CDNF: variants seen among roughly 807,000 people sequenced by gnomAD.
CDNF encodes the protein cerebral dopamine neurotrophic factor.
In CDNF, 9 loss-of-function variants were observed where a neutral mutation model predicts 14.8. That is an observed-to-expected ratio of 0.61 (90% CI 0.37 to 1.06). CDNF has a LOEUF of 1.06. Among genes scored for constraint, CDNF ranks in the 50% least tolerant of loss-of-function variants. The pLI, the probability that CDNF is intolerant of heterozygous loss-of-function variation, is 0.01. For missense variants in CDNF, 228 were observed against 228.4 expected, an observed-to-expected ratio of 1.00 and a Z score of 0.01; for synonymous variants, 86 against 87.2, an observed-to-expected ratio of 0.99 and a Z score of 0.07.
intron 1 of CDNF, among the ~76,000 whole-genome samples, chr10:14,835,550 G>A (rs1833879299): frequency 6.6e-6 from 1 of 152,132 alleles, no homozygotes; most frequent in East Asian, 1.9e-4. Context: ...CAAATTAGTA[G>A]CTTCTTAAGT....
At chr10:14,823,243 G>C (rs1283885571) in intron 3 of CDNF, among the ~76,000 whole-genome samples, 1 of 152,066 alleles carries the variant, frequency 6.6e-6, no homozygotes, top group African/African-American at 2.4e-5. Flanking sequence ...AGAGAACTTG[G>C]TATCTGGCAT....
chr10:14,828,041 C>G (rs1365024640), intron 2 of CDNF, 104 bp downstream of exon 2: 30 of 1,157,870 alleles, frequency 2.6e-5, no homozygotes, highest in Non-Finnish European at 3.7e-5. Flanking sequence ...AATGGACATA[C>G]TTGAGGCAAA....
intron 3 of CDNF, among the ~76,000 whole-genome samples, chr10:14,823,919 C>G (rs1833758535): frequency 6.6e-6 from 1 of 152,230 alleles, no homozygotes; most frequent in Admixed American, 6.5e-5. Context: ...ACTCTAATAA[C>G]TACCCTGGAA....
intron 3 of CDNF, among the ~76,000 whole-genome samples, chr10:14,822,774 C>A (rs1010662090): frequency 6.6e-6 from 1 of 152,128 alleles, no homozygotes; most frequent in African/African-American, 2.4e-5. Context: ...TAATATTTGT[C>A]AAATTATTTG....
At chr10:14,826,014 CAGAAGA>C (rs1169199931) in intron 2 of CDNF, among the ~76,000 whole-genome samples, 10 of 92,836 alleles carry the variant, frequency 1.1e-4, no homozygotes, top group East Asian at 3.6e-4. Flanking sequence ...GAAGCAGAAG[CAGAAGA>C]AGAAGAAGGA....
intron 1 of CDNF, among the ~76,000 whole-genome samples, chr10:14,832,891 G>A (rs1219784937): frequency 1.7e-5 from 2 of 120,796 alleles, no homozygotes; most frequent in Non-Finnish European, 3.2e-5. Flanking sequence ...ACAGAATCTC[G>A]CTGTGTTGCC....
At chr10:14,831,527 A>G (rs1833843329) in intron 1 of CDNF, among the ~76,000 whole-genome samples, 1 of 149,444 alleles carries the variant, frequency 6.7e-6, no homozygotes, top group Non-Finnish European at 1.5e-5. Context: ...AAATACATAT[A>G]TACACATATA....
chr10:14,825,078 C>T (rs1390310375), intron 3 of CDNF, among the ~76,000 whole-genome samples: 1 of 151,928 alleles, frequency 6.6e-6, no homozygotes, highest in African/African-American at 2.4e-5. Flanking sequence ...CTCAGCCTCC[C>T]GAGTAGGTGG....
Position 14,828,144 on chromosome 10 carries a change from C to T in CDNF, c.243+1G>A. ...AAAATGAAAGGTGAAATTTACTATA[C>T]CAGGCGGTTTTCTTTTCCTTTGGTG... is the stretch of plus-strand genomic sequence containing the variant. On this transcript the variant is annotated splice_donor_variant, in intron 2 of 3. Transcript: ENST00000465530. LOFTEE classifies it high-confidence loss of function. The T allele has an allele frequency of 1.2e-6, 2 of 1,613,626 alleles. No individual in the cohort carries two copies. The highest frequency in any genetic ancestry group is 1.1e-5 in the South Asian group (1 of 91,034).
At chr10:14,826,194 C>CAGCAGA (rs1554764065) in intron 2 of CDNF, among the ~76,000 whole-genome samples, 2 of 113,234 alleles carry the variant, frequency 1.8e-5, no homozygotes, top group African/African-American at 7.7e-5. Context: ...GCAGAAGCAG[C>CAGCAGA]AGAAGAAGAA....
intron 2 of CDNF, among the ~76,000 whole-genome samples, chr10:14,826,025 GAAGGAGAAGAAGA>G (rs1833778647): frequency 1.7e-5 from 2 of 119,960 alleles, no homozygotes; most frequent in East Asian, 4.8e-4. Context: ...AGAAGAAGAA[GAAGGAGAAGAAGA>G]AGAAGAAGAA....
chr10:14,829,619 G>T (rs911793524), intron 1 of CDNF, among the ~76,000 whole-genome samples: 5 of 151,896 alleles, frequency 3.3e-5, no homozygotes, highest in East Asian at 3.9e-4. Flanking sequence ...AGTCTTCAGA[G>T]TTTTTTTTGT....
At chr10:14,833,746 GA>G (rs1213956992) in intron 1 of CDNF, among the ~76,000 whole-genome samples, 1 of 152,050 alleles carries the variant, frequency 6.6e-6, no homozygotes, top group Non-Finnish European at 1.5e-5. Flanking sequence ...AGGAGAGACG[GA>G]AAAGAGACAC....
chr10:14,837,781 T>G, intron 1 of CDNF, 51 bp downstream of exon 1: 2 of 1,161,818 alleles, frequency 1.7e-6, no homozygotes, highest in African/African-American at 3.1e-5. Flanking sequence ...CGACAGCTGC[T>G]GCGCCGCAGC....
At chr10:14,827,540 C>T (rs1833809302) in intron 2 of CDNF, among the ~76,000 whole-genome samples, 1 of 152,064 alleles carries the variant, frequency 6.6e-6, no homozygotes, top group Non-Finnish European at 1.5e-5. Flanking sequence ...GGAAAGCCCA[C>T]CCACTCTTAG....
rs761847471 is a variant in CDNF at position 14,820,069 on chromosome 10, T to G, written c.475A>C (p.Arg159=). Residue 159 remains arginine, a synonymous_variant, in exon 4 of 4, where the codon AGG becomes CGG. Coordinates refer to ENST00000465530, the MANE Select transcript of CDNF (RefSeq NM_001029954.3). The stretch of plus-strand genomic sequence containing the variant: ...TAGTCAGTTTTTTCTGCACAGGCCC[T>G]GCACTCCTCCCCCCAGCTATGCAGG... ...QILHSWGEEC[R]ACAEKTDYVN... is the part of the protein sequence containing the mutation. 1 of 1,614,192 alleles carries G rather than the reference T, an allele frequency of 6.2e-7. No individual in the cohort carries two copies. The highest frequency in any genetic ancestry group is 1.1e-5 in the South Asian group (1 of 91,084).
rs192801541 is a variant in CDNF at position 14,821,147 on chromosome 10, C to T, written c.386-989G>A. ...TTCTTTTTCTTTTTTTTTTTTGAGACGGAGTCTCGCTTAGCCACCCAGGCT... is the reference window on the plus strand; with the variant it reads ...TTCTTTTTCTTTTTTTTTTTTGAGATGGAGTCTCGCTTAGCCACCCAGGCT... On this transcript the variant is annotated intron_variant, in intron 3 of 3. Coordinates refer to ENST00000465530, the MANE Select transcript of CDNF (RefSeq NM_001029954.3). Among the ~76,000 whole-genome samples, 871 of 150,390 alleles carry T rather than the reference C, an allele frequency of 5.8e-3. 21 individuals are homozygous for T. Among genetic ancestry groups the T allele is most frequent in the Admixed American group, 0.051 (765 of 15,118 alleles).
At chr10:14,829,767 T>A (rs1588797363) in intron 1 of CDNF, among the ~76,000 whole-genome samples, 1 of 152,230 alleles carries the variant, frequency 6.6e-6, no homozygotes, top group South Asian at 2.1e-4. Flanking sequence ...GTAGCTGCGA[T>A]TACAGGCGCT....
At chr10:14,831,893 T>G (rs140496947) in intron 1 of CDNF, among the ~76,000 whole-genome samples, 13 of 152,206 alleles carry the variant, frequency 8.5e-5, no homozygotes, top group African/African-American at 2.9e-4. Context: ...TTATTTCTAA[T>G]GCTATCAACA....
Sources: allele counts gnomAD v4.1 joint callset (sites outside exome capture counted in the v4.1 genomes callset), GRCh38; gene constraint gnomAD v4.1.1; transcripts MANE v1.5; gene names NCBI Gene and HGNC (gene_info 2026-07-23, HGNC 2026-07-21).